Variants in NRXN1 observed in about 807,000 individuals in gnomAD.
The protein encoded by NRXN1 is neurexin 1, also known as neurexin-1.
A neutral mutation model predicts 150.9 loss-of-function variants in NRXN1; 39 were observed. The ratio of observed to expected loss-of-function variants is 0.26; its 90% CI spans 0.20 to 0.34. The LOEUF (loss-of-function observed/expected upper bound fraction) is 0.34, where lower values mean the gene tolerates loss of function less well. NRXN1 is among the 10% of genes least tolerant of loss of function. The pLI, the probability that NRXN1 is intolerant of heterozygous loss-of-function variation, is 1.00. For missense variants in NRXN1, 1,815 were observed against 1,949.9 expected (o/e 0.93, Z 1.30); for synonymous variants, 924 against 757.0 (o/e 1.22, Z -3.62).
intron 21 of NRXN1, among the ~76,000 whole-genome samples, chr2:49,967,900 T>G (rs551455709): frequency 6.6e-6 from 1 of 152,216 alleles, no homozygotes; most frequent in African/African-American, 2.4e-5. Context: ...TTCAGTTTAA[T>G]GTTTTATACC....
At chr2:50,368,090 T>C (rs1462650512) in intron 17 of NRXN1, among the ~76,000 whole-genome samples, 3 of 152,030 alleles carry the variant, frequency 2.0e-5, no homozygotes, top group African/African-American at 7.2e-5. Flanking sequence ...CATTGCTTCC[T>C]AGAGTCCTCA....
At chr2:50,699,673 A>T (rs534915919) in intron 5 of NRXN1, among the ~76,000 whole-genome samples, 1 of 152,152 alleles carries the variant, frequency 6.6e-6, no homozygotes, top group Admixed American at 6.5e-5. Flanking sequence ...AAAAAACCCG[A>T]ATGGCTTGAA....
intron 5 of NRXN1, among the ~76,000 whole-genome samples, chr2:50,650,605 T>C (rs767158341): frequency 8.6e-5 from 13 of 152,046 alleles, no homozygotes; most frequent in Admixed American, 7.2e-4. Flanking sequence ...ATTACGTGCA[T>C]GCCTAAACAA....
At chr2:50,600,084 C>G (rs1212375489) in intron 8 of NRXN1, among the ~76,000 whole-genome samples, 2 of 151,796 alleles carry the variant, frequency 1.3e-5, no homozygotes, top group Non-Finnish European at 2.9e-5. Context: ...TAGCCAAAAG[C>G]AAGGAGAAAT....
chr2:50,347,638 G>T lies in NRXN1; in HGVS notation c.3365-110668C>A. 1.0e-6 allele frequency: 1 copy of T among 996,692 alleles called. No individual in the cohort carries two copies. The highest frequency in any genetic ancestry group is 1.2e-6 in the Non-Finnish European group (1 of 836,922). The allele number at this position is 996,692 out of a possible 1,614,324, so 61.7% of individuals were successfully genotyped here. A position where few individuals can be genotyped will look rare whatever the true frequency, so the allele number is the denominator to read the frequency against. ...CTTACGCCCGGCGAGGGGTTCAGAG[G>T]GAAGAGTGCGCCCTTCTGAAGGAAG... On this transcript the variant is annotated intron_variant, in intron 17 of 22. Transcript: ENST00000401669. This position sits in a 1 kb window ranked among gnomAD's most constrained non-coding sequence, Gnocchi z 4.9.
At chr2:50,053,776 T>G (rs780847154) in intron 20 of NRXN1, among the ~76,000 whole-genome samples, 186 bp from the exon 21 acceptor site, 58 of 152,194 alleles carry the variant, frequency 3.8e-4, no homozygotes, top group Non-Finnish European at 5.4e-4. Flanking sequence ...GGCAAATACT[T>G]GTAAATTCTC....
At chr2:50,831,856 T>C (rs549955141) in intron 5 of NRXN1, among the ~76,000 whole-genome samples, 2 of 152,326 alleles carry the variant, frequency 1.3e-5, no homozygotes, top group Non-Finnish European at 2.9e-5. Context: ...ATTTCTTTTG[T>C]GTCTGTTCAT....
At chr2:50,164,870 A>T (rs1181293935) in intron 18 of NRXN1, among the ~76,000 whole-genome samples, 1 of 152,190 alleles carries the variant, frequency 6.6e-6, no homozygotes, top group Non-Finnish European at 1.5e-5. Context: ...AGACAGGGAC[A>T]CTGGCATGTC....
intron 8 of NRXN1, among the ~76,000 whole-genome samples, chr2:50,564,586 T>C (rs1240385064): frequency 6.6e-6 from 1 of 152,196 alleles, no homozygotes; most frequent in Non-Finnish European, 1.5e-5. Context: ...ATAATGATAT[T>C]AAATTGATGG....
intron 5 of NRXN1, among the ~76,000 whole-genome samples, chr2:50,802,503 AAGGAAGGAAGG>A (rs1559284167): frequency 0.12 from 9,589 of 77,876 alleles, 900 homozygotes; most frequent in Non-Finnish European, 0.15. Flanking sequence ...AGAGAAATGG[AAGGAAGGAAGG>A]AAGGAAGGAA....
chr2:50,564,826 G>A (rs914768699), intron 8 of NRXN1, among the ~76,000 whole-genome samples: 2 of 152,078 alleles, frequency 1.3e-5, no homozygotes, highest in African/African-American at 4.8e-5. Context: ...TATTTCTTTG[G>A]AAAGTCCCAC....
intron 17 of NRXN1, among the ~76,000 whole-genome samples, chr2:50,320,250 T>A (rs1241161594): frequency 3.6e-5 from 5 of 138,064 alleles, no homozygotes; most frequent in African/African-American, 5.3e-5. Flanking sequence ...ATCAATTTTT[T>A]AAAAAGGTAT....
At chr2:50,404,921 G>T (rs1397347567) in intron 17 of NRXN1, among the ~76,000 whole-genome samples, 1 of 151,892 alleles carries the variant, frequency 6.6e-6, no homozygotes, top group Non-Finnish European at 1.5e-5. Flanking sequence ...GAGGCTCAAG[G>T]GTGCACCTCT....
chr2:50,821,758 G>T (rs1669766529), intron 5 of NRXN1, among the ~76,000 whole-genome samples: 1 of 152,064 alleles, frequency 6.6e-6, no homozygotes, highest in African/African-American at 2.4e-5. Flanking sequence ...ATTTAAGAAG[G>T]CTGGAGTAAA....
At chr2:51,017,333 C>CT (rs879853887) in intron 2 of NRXN1, among the ~76,000 whole-genome samples, 133 of 141,868 alleles carry the variant, frequency 9.4e-4, no homozygotes, top group East Asian at 1.6e-3. Flanking sequence ...TTCTGGGATT[C>CT]TTTTTTTTTT....
At chr2:50,946,249 T>G (rs1291984347) in intron 2 of NRXN1, among the ~76,000 whole-genome samples, 2 of 152,146 alleles carry the variant, frequency 1.3e-5, no homozygotes, top group Non-Finnish European at 2.9e-5. Flanking sequence ...TGAGCTTAAT[T>G]ACACTATGAG....
Position 50,642,152 on chromosome 2 carries a change from C to T in NRXN1, c.833-18537G>A, listed in dbSNP as rs182463593. On this transcript the variant is annotated intron_variant, in intron 5 of 22. Coordinates refer to ENST00000401669, the MANE Select transcript of NRXN1 (RefSeq NM_001330078.2). The stretch of plus-strand genomic sequence containing the variant: ...CTGAAAAATTAATCAATTCACTAAT[C>T]AAAGAAACATATATTAAAGACCTAC... Among the ~76,000 whole-genome samples, 8 of 152,084 alleles carry T rather than the reference C, an allele frequency of 5.3e-5. No individual in the cohort carries two copies. The South Asian group carries it at 1.7e-3, about 32-fold the overall frequency.
intron 5 of NRXN1, among the ~76,000 whole-genome samples, chr2:50,828,868 C>A (rs1670945042): frequency 6.6e-6 from 1 of 152,180 alleles, no homozygotes; most frequent in African/African-American, 2.4e-5. Flanking sequence ...TTTGGGAGGC[C>A]AAGGCAGGCG....
At chr2:50,913,175 T>A (rs1684769264) in intron 5 of NRXN1, among the ~76,000 whole-genome samples, 1 of 151,802 alleles carries the variant, frequency 6.6e-6, no homozygotes, top group Non-Finnish European at 1.5e-5. Flanking sequence ...TTTAGGTCAG[T>A]ATAGCATCAA....
Sources: allele counts gnomAD v4.1 joint callset (sites outside exome capture counted in the v4.1 genomes callset), GRCh38; gene constraint gnomAD v4.1.1; non-coding constraint Gnocchi (gnomAD v3.1); transcripts MANE v1.5; gene names NCBI Gene and HGNC (gene_info 2026-07-23, HGNC 2026-07-21).